Variants in TIAM1 observed in about 807,000 individuals in gnomAD.
TIAM1 encodes rho guanine nucleotide exchange factor TIAM1.
In TIAM1, 65 loss-of-function variants were observed where a neutral mutation model predicts 163.5. The observed-to-expected ratio is 0.40, with a 90% confidence interval of 0.33 to 0.49. TIAM1 has a LOEUF of 0.49. Among genes scored for constraint, TIAM1 ranks in the 20% least tolerant of loss-of-function variants. The pLI is 0.77. For synonymous variants in TIAM1, 833 were observed against 810.1 expected, an observed-to-expected ratio of 1.03 and a Z score of -0.48; for missense variants, 1,789 against 2,044.7, an observed-to-expected ratio of 0.87 and a Z score of 2.41.
intron 7 of TIAM1, among the ~76,000 whole-genome samples, chr21:31,224,566 G>C (rs549289143): frequency 1.3e-5 from 2 of 152,198 alleles, no homozygotes; most frequent in African/African-American, 4.8e-5. Context: ...GGGGCAGAGA[G>C]GAGCAACTGC....
intron 6 of TIAM1, among the ~76,000 whole-genome samples, chr21:31,234,095 G>GTC (rs2088597369): frequency 6.6e-6 from 1 of 152,092 alleles, no homozygotes; most frequent in South Asian, 2.1e-4. Context: ...ACCAGTCAAG[G>GTC]ATCACCAGAC....
intron 2 of TIAM1, among the ~76,000 whole-genome samples, chr21:31,390,590 T>A (rs1160238942): frequency 6.6e-6 from 1 of 152,146 alleles, no homozygotes; most frequent in Non-Finnish European, 1.5e-5. Context: ...GGTGAAACAT[T>A]GTATCAGCTC....
At chr21:31,470,005 T>C (rs79451141) in intron 1 of TIAM1, among the ~76,000 whole-genome samples, 5 of 54,230 alleles carry the variant, frequency 9.2e-5, no homozygotes, top group African/African-American at 2.5e-4. Context: ...CCTTGAATTT[T>C]TTTTTTTTTT....
chr21:31,196,012 A>C (rs983552367), intron 12 of TIAM1, among the ~76,000 whole-genome samples: 3 of 152,228 alleles, frequency 2.0e-5, no homozygotes, highest in African/African-American at 4.8e-5. Flanking sequence ...AAATATTTCC[A>C]AACTGTGCAT....
At chr21:31,124,220 A>G (rs74458022) in intron 27 of TIAM1, 4,737 of 291,664 alleles carry the variant, frequency 0.016, 167 homozygotes, top group East Asian at 0.081. Context: ...GCCTCTCCAG[A>G]AAGAGGATGT....
intron 2 of TIAM1, among the ~76,000 whole-genome samples, chr21:31,408,021 T>C (rs2077278821): frequency 6.6e-6 from 1 of 152,206 alleles, no homozygotes; most frequent in Admixed American, 6.5e-5. Flanking sequence ...TAAGAGCTCT[T>C]TGGAAATTTG....
chr21:31,190,807 G>A (rs1429387020), intron 13 of TIAM1, among the ~76,000 whole-genome samples: 1 of 152,196 alleles, frequency 6.6e-6, no homozygotes, highest in Non-Finnish European at 1.5e-5. Context: ...CTTTAAGTGT[G>A]TTCAGTCAGT....
chr21:31,520,062 T>C (rs1164488003), intron 1 of TIAM1, among the ~76,000 whole-genome samples: 1 of 152,122 alleles, frequency 6.6e-6, no homozygotes, highest in Non-Finnish European at 1.5e-5. Context: ...CCGGGCGCGG[T>C]GGCCACGCCT....
At chr21:31,455,766 G>A (rs2045075090) in intron 2 of TIAM1, among the ~76,000 whole-genome samples, 1 of 152,116 alleles carries the variant, frequency 6.6e-6, no homozygotes, top group South Asian at 2.1e-4. Context: ...AAAATTATCA[G>A]GCAAACCAAA....
intron 6 of TIAM1, among the ~76,000 whole-genome samples, chr21:31,230,859 G>A (rs1333454957): frequency 6.6e-6 from 1 of 152,040 alleles, no homozygotes; most frequent in Non-Finnish European, 1.5e-5. Context: ...AGTAGAGAGG[G>A]GTTTCACCGT....
At chr21:31,178,527 C>T (rs1033317336) in intron 15 of TIAM1, among the ~76,000 whole-genome samples, 5 of 151,966 alleles carry the variant, frequency 3.3e-5, no homozygotes, top group Admixed American at 6.6e-5. Context: ...AGGATGGTCT[C>T]GATCTCCTGA....
chr21:31,122,221 T>A (rs1354450176), intron 27 of TIAM1, among the ~76,000 whole-genome samples: 1 of 151,954 alleles, frequency 6.6e-6, no homozygotes, highest in Admixed American at 6.6e-5. Flanking sequence ...TGGTTGAGGA[T>A]GGGAATAAAA....
chr21:31,553,548 G>A (rs1346143577), intron 1 of TIAM1, among the ~76,000 whole-genome samples: 1 of 152,124 alleles, frequency 6.6e-6, no homozygotes, highest in African/African-American at 2.4e-5. Flanking sequence ...GACCCTCCTG[G>A]ACTTTCCTGC....
At chr21:31,250,579 T>C (rs2071746514) in intron 5 of TIAM1, among the ~76,000 whole-genome samples, 1 of 152,222 alleles carries the variant, frequency 6.6e-6, no homozygotes, top group Non-Finnish European at 1.5e-5. Context: ...AACCACAGTC[T>C]GTGAAATCCA....
intron 2 of TIAM1, among the ~76,000 whole-genome samples, chr21:31,312,595 GA>G (rs2074972791): frequency 6.6e-6 from 1 of 151,898 alleles, no homozygotes; most frequent in Admixed American, 6.6e-5. Context: ...CACCCAAAAG[GA>G]AAAAAATCTG....
chr21:31,257,387 C>T (rs1257656884), intron 4 of TIAM1, among the ~76,000 whole-genome samples: 1 of 152,180 alleles, frequency 6.6e-6, no homozygotes, highest in Non-Finnish European at 1.5e-5. Context: ...TTGGCAAAAG[C>T]TTGAAATGTT....
At chr21:31,316,518 C>G (rs1468494726) in intron 2 of TIAM1, among the ~76,000 whole-genome samples, 2 of 152,220 alleles carry the variant, frequency 1.3e-5, no homozygotes, top group African/African-American at 4.8e-5. Flanking sequence ...CTTCTCCTCA[C>G]CCTATGGCTG....
chr21:31,173,298 C>A (rs149858694), intron 15 of TIAM1, among the ~76,000 whole-genome samples: 177 of 151,866 alleles, frequency 1.2e-3, no homozygotes, highest in African/African-American at 3.8e-3. Flanking sequence ...AGTTTAAATC[C>A]CTGATGGAAA....
intron 13 of TIAM1, among the ~76,000 whole-genome samples, chr21:31,188,339 TTAAG>T (rs1452079243): frequency 6.6e-6 from 1 of 152,192 alleles, no homozygotes. Flanking sequence ...AACTTTCAGA[TTAAG>T]TGTCAAGAAG....
Sources: allele counts gnomAD v4.1 joint callset (sites outside exome capture counted in the v4.1 genomes callset), GRCh38; gene constraint gnomAD v4.1.1; transcripts MANE v1.5; gene names NCBI Gene and HGNC (gene_info 2026-07-23, HGNC 2026-07-21).